MEMO1: variants seen among roughly 807,000 people sequenced by gnomAD.
MEMO1 encodes mediator of cell motility 1.
In MEMO1, 6 loss-of-function variants were observed where a neutral mutation model predicts 45.2. The ratio of observed to expected loss-of-function variants is 0.13; its 90% CI spans 0.07 to 0.26. The LOEUF is 0.26. Ranked by LOEUF, MEMO1 falls within the 10% of genes least tolerant of loss-of-function variation. The pLI is 1.00. For synonymous variants in MEMO1, 78 were observed against 124.3 expected (o/e 0.63, Z 2.48); for missense variants, 184 against 370.5 (o/e 0.50, Z 4.13).
chr2:31,976,090 CCT>C (rs1478376675), intron 2 of MEMO1, among the ~76,000 whole-genome samples: 2 of 151,984 alleles, frequency 1.3e-5, no homozygotes, highest in African/African-American at 4.8e-5. Flanking sequence ...AAATGTTTCC[CCT>C]GAGATTAGTA....
chr2:31,955,066 C>T (rs949674400), intron 2 of MEMO1, among the ~76,000 whole-genome samples: 6 of 151,920 alleles, frequency 3.9e-5, no homozygotes, highest in Non-Finnish European at 7.4e-5. Flanking sequence ...CATGGTGAAA[C>T]CCCATCTCCA....
chr2:32,004,088 G>C (rs1490117458), intron 2 of MEMO1, among the ~76,000 whole-genome samples: 1 of 152,188 alleles, frequency 6.6e-6, no homozygotes, highest in African/African-American at 2.4e-5. Context: ...AGCTGAGGCA[G>C]GGGGATCGCT....
chr2:31,906,440 C>T (rs1244295988), intron 6 of MEMO1, among the ~76,000 whole-genome samples: 16 of 152,088 alleles, frequency 1.1e-4, no homozygotes, highest in Non-Finnish European at 2.2e-4. Context: ...TCTCCTTTCT[C>T]AACCTCCCAA....
intron 2 of MEMO1, among the ~76,000 whole-genome samples, chr2:31,945,101 T>C (rs150062564): frequency 3.9e-5 from 6 of 152,316 alleles, no homozygotes; most frequent in African/African-American, 1.2e-4. Context: ...AGTGGTATTG[T>C]TCTGCATGTT....
At chr2:31,932,823 A>G (rs922772274) in intron 3 of MEMO1, among the ~76,000 whole-genome samples, 1 of 152,172 alleles carries the variant, frequency 6.6e-6, no homozygotes, top group African/African-American at 2.4e-5. Flanking sequence ...AAGTCAGACC[A>G]AAACAAATAC....
chr2:31,927,038 T>A (rs1171058529), intron 4 of MEMO1, among the ~76,000 whole-genome samples: 2 of 151,870 alleles, frequency 1.3e-5, no homozygotes, highest in African/African-American at 4.8e-5. Flanking sequence ...TTATACAAAG[T>A]ACAAATATTC....
At chr2:31,981,695 C>A (rs747217370) in intron 2 of MEMO1, among the ~76,000 whole-genome samples, 1 of 152,170 alleles carries the variant, frequency 6.6e-6, no homozygotes, top group African/African-American at 2.4e-5. Context: ...GACTTAACTT[C>A]ACTCAATTCC....
chr2:31,879,717 C>A (rs1198768659), intron 8 of MEMO1, among the ~76,000 whole-genome samples: 4 of 152,118 alleles, frequency 2.6e-5, no homozygotes, highest in Non-Finnish European at 5.9e-5. Context: ...TTTCATACTA[C>A]ATGTTCAAAA....
intron 6 of MEMO1, among the ~76,000 whole-genome samples, chr2:31,905,753 C>T (rs1487771353): frequency 6.6e-6 from 1 of 152,198 alleles, no homozygotes; most frequent in Non-Finnish European, 1.5e-5. Context: ...AACTGTCTCA[C>T]ATAGGAACAT....
intron 2 of MEMO1, among the ~76,000 whole-genome samples, chr2:31,972,801 C>T (rs1445293740): frequency 1.3e-5 from 2 of 152,158 alleles, no homozygotes; most frequent in Non-Finnish European, 2.9e-5. Flanking sequence ...AGAACTCTTA[C>T]AACTCAACAA....
At chr2:31,946,215 T>A (rs1432999214) in intron 2 of MEMO1, among the ~76,000 whole-genome samples, 1 of 152,226 alleles carries the variant, frequency 6.6e-6, no homozygotes, top group Non-Finnish European at 1.5e-5. Flanking sequence ...TTTTTCATTT[T>A]TGTCAATCTG....
At chr2:31,936,061 T>G (rs1370445853) in intron 3 of MEMO1, among the ~76,000 whole-genome samples, 1 of 152,060 alleles carries the variant, frequency 6.6e-6, no homozygotes, top group African/African-American at 2.4e-5. Context: ...CCTAGCAGGT[T>G]CAAGCGATTC....
At chr2:31,929,769 G>C (rs1055526096) in intron 4 of MEMO1, among the ~76,000 whole-genome samples, 5 of 152,220 alleles carry the variant, frequency 3.3e-5, no homozygotes, top group African/African-American at 1.2e-4. Context: ...GGTAAGAATA[G>C]AAAGTGGTAG....
intron 6 of MEMO1, among the ~76,000 whole-genome samples, chr2:31,895,561 T>C (rs1192561771): frequency 6.6e-6 from 1 of 152,004 alleles, no homozygotes; most frequent in Admixed American, 6.6e-5. Context: ...AAATTACAGA[T>C]AAAGAAATTA....
intron 2 of MEMO1, among the ~76,000 whole-genome samples, chr2:32,003,334 G>A (rs938309949): frequency 3.3e-5 from 5 of 152,078 alleles, no homozygotes; most frequent in Non-Finnish European, 7.4e-5. Flanking sequence ...GAAATTATCA[G>A]ACTTTGGATA....
chr2:31,887,637 TA>T (rs1188520461), intron 7 of MEMO1, among the ~76,000 whole-genome samples: 1 of 152,164 alleles, frequency 6.6e-6, no homozygotes, highest in East Asian at 1.9e-4. Context: ...TAATCTCTTT[TA>T]AAAGCTAAAT....
chr2:31,878,925 G>A (rs892113832), intron 8 of MEMO1, among the ~76,000 whole-genome samples: 3 of 151,976 alleles, frequency 2.0e-5, no homozygotes, highest in Non-Finnish European at 2.9e-5. Context: ...AGGTTAAACC[G>A]AGGAGAAACG....
chr2:31,926,492 T>TA (rs1683133192), intron 4 of MEMO1, among the ~76,000 whole-genome samples: 1 of 152,178 alleles, frequency 6.6e-6, no homozygotes, highest in Admixed American at 6.5e-5. Flanking sequence ...TTTATCACTG[T>TA]AAGCTTGATA....
At chr2:31,916,379 A>T (rs190144590) in intron 6 of MEMO1, among the ~76,000 whole-genome samples, 1 of 152,044 alleles carries the variant, frequency 6.6e-6, no homozygotes, top group Admixed American at 6.6e-5. Flanking sequence ...CAAGCACCCG[A>T]CACCACACAC....
Sources: allele counts gnomAD v4.1 joint callset (sites outside exome capture counted in the v4.1 genomes callset), GRCh38; gene constraint gnomAD v4.1.1; transcripts MANE v1.5; gene names NCBI Gene and HGNC (gene_info 2026-07-23, HGNC 2026-07-21).